ANKRD44: variants seen among roughly 807,000 people sequenced by gnomAD.
ANKRD44 encodes serine/threonine-protein phosphatase 6 regulatory ankyrin repeat subunit B.
In ANKRD44, 35 loss-of-function variants were observed where a neutral mutation model predicts 116.0. The observed-to-expected ratio is 0.30, with a 90% CI of 0.23 to 0.40. ANKRD44 has a LOEUF of 0.40. Among genes scored for constraint, ANKRD44 ranks in the 10% least tolerant of loss-of-function variants. The pLI is 1.00. For missense variants in ANKRD44, 1,014 were observed against 1,242.6 expected (o/e 0.82, Z 2.77); for synonymous variants, 435 against 461.8 (o/e 0.94, Z 0.74).
intron 4 of ANKRD44, among the ~76,000 whole-genome samples, chr2:197,131,013 T>A (rs2079082551): frequency 6.6e-6 from 1 of 152,192 alleles, no homozygotes; most frequent in Non-Finnish European, 1.5e-5. Flanking sequence ...GCTTCTCTAG[T>A]CACACTTTCC....
intron 1 of ANKRD44, among the ~76,000 whole-genome samples, chr2:197,257,005 C>A (rs2082466033): frequency 6.6e-6 from 1 of 152,074 alleles, no homozygotes. Context: ...CAGTTGATGT[C>A]TCCAAACCTC....
At chr2:197,181,573 G>T (rs948481668) in intron 2 of ANKRD44, among the ~76,000 whole-genome samples, 2 of 152,116 alleles carry the variant, frequency 1.3e-5, no homozygotes, top group African/African-American at 2.4e-5. Flanking sequence ...ATCCTGAGAA[G>T]AAATTTTAGT....
chr2:197,286,227 T>C (rs1403242533), intron 1 of ANKRD44, among the ~76,000 whole-genome samples: 1 of 152,190 alleles, frequency 6.6e-6, no homozygotes, highest in Non-Finnish European at 1.5e-5. Context: ...CTATTTAAAT[T>C]AACTGTCTCA....
Position 197,121,047 on chromosome 2 carries a change from G to T in ANKRD44, c.906+285C>A, listed in dbSNP as rs569148813. Among the ~76,000 whole-genome samples, 264 of 151,362 alleles carry T rather than the reference G, an allele frequency of 1.7e-3. 1 individual carries two copies. The highest frequency in any genetic ancestry group is 5.9e-3 in the African/African-American group (244 of 41,218). On this transcript the variant is annotated intron_variant, in intron 8 of 27. Coordinates refer to ENST00000282272, the MANE Select transcript of ANKRD44 (RefSeq NM_001195144.2). The stretch of plus-strand genomic sequence containing the variant: ...CGGGTTTAAGCAATTCTCTGCCTCA[G>T]CCTCCCGAGTAGCTGAGATTGCAGG...
chr2:197,143,830 T>A (rs958025417), intron 3 of ANKRD44, among the ~76,000 whole-genome samples: 1 of 152,186 alleles, frequency 6.6e-6, no homozygotes, highest in Non-Finnish European at 1.5e-5. Flanking sequence ...GGTTTCATCA[T>A]GTTGGCCAGG....
intron 16 of ANKRD44, among the ~76,000 whole-genome samples, chr2:197,040,188 G>A (rs926408988): frequency 6.6e-6 from 1 of 151,516 alleles, no homozygotes; most frequent in Non-Finnish European, 1.5e-5. Context: ...GCATTGAGCT[G>A]AGATCACGTC....
intron 1 of ANKRD44, among the ~76,000 whole-genome samples, chr2:197,290,269 T>C (rs1160137085): frequency 6.6e-6 from 1 of 152,226 alleles, no homozygotes; most frequent in Non-Finnish European, 1.5e-5. Context: ...TCTATTGTGT[T>C]GCAACTTTTT....
chr2:197,179,450 C>T (rs978231430), intron 2 of ANKRD44, among the ~76,000 whole-genome samples: 1 of 152,200 alleles, frequency 6.6e-6, no homozygotes, highest in East Asian at 1.9e-4. Flanking sequence ...ATTACATCCT[C>T]TGTCCAAATG....
At chr2:196,968,216 T>G (rs2125856769) in intron 21 of ANKRD44, among the ~76,000 whole-genome samples, 1 of 152,314 alleles carries the variant, frequency 6.6e-6, no homozygotes, top group East Asian at 1.9e-4. Context: ...TAACTGTGAA[T>G]TATCAGAAGA....
intron 21 of ANKRD44, among the ~76,000 whole-genome samples, chr2:197,002,343 T>C (rs145464768): frequency 3.9e-5 from 6 of 152,362 alleles, no homozygotes; most frequent in African/African-American, 1.4e-4. Flanking sequence ...AGAACAGTTC[T>C]TGGCACATCA....
At chr2:197,012,172 A>T (rs1050715535) in intron 18 of ANKRD44, among the ~76,000 whole-genome samples, 1 of 152,226 alleles carries the variant, frequency 6.6e-6, no homozygotes, top group Non-Finnish European at 1.5e-5. Flanking sequence ...CAGTCCAGTG[A>T]CAGTGTCTTT....
intron 2 of ANKRD44, 57 bp downstream of exon 2, chr2:197,186,966 G>T: frequency 6.8e-7 from 1 of 1,466,146 alleles, no homozygotes. Flanking sequence ...AAGGTTAAGA[G>T]TCCTTTCCTG....
chr2:197,118,563 C>A (rs1348386809), intron 8 of ANKRD44, among the ~76,000 whole-genome samples: 1 of 149,594 alleles, frequency 6.7e-6, no homozygotes, highest in African/African-American at 2.5e-5. Flanking sequence ...GCACTCTAGC[C>A]TGAATGACAA....
At chr2:197,066,737 G>A (rs1574388844) in intron 16 of ANKRD44, among the ~76,000 whole-genome samples, 2 of 152,114 alleles carry the variant, frequency 1.3e-5, no homozygotes, top group African/African-American at 4.8e-5. Context: ...GGATGTGAAG[G>A]ACCTCTTCAA....
At chr2:197,037,342 T>A (rs1350398419) in intron 16 of ANKRD44, among the ~76,000 whole-genome samples, 1 of 152,220 alleles carries the variant, frequency 6.6e-6, no homozygotes, top group African/African-American at 2.4e-5. Context: ...GGGGTTGATG[T>A]TTTTATGACT....
intron 1 of ANKRD44, among the ~76,000 whole-genome samples, chr2:197,258,270 C>CTTTTTTT (rs71395680): frequency 8.1e-4 from 64 of 79,224 alleles, no homozygotes; most frequent in Non-Finnish European, 9.4e-4. Flanking sequence ...TTGGCTAATC[C>CTTTTTTT]TTTTTTTTTT....
chr2:197,177,582 TTG>T (rs939993622), intron 2 of ANKRD44, among the ~76,000 whole-genome samples: 2 of 152,168 alleles, frequency 1.3e-5, no homozygotes, highest in East Asian at 3.9e-4. Flanking sequence ...TCTCGTGAGT[TTG>T]TGTGTGTGTT....
intron 1 of ANKRD44, among the ~76,000 whole-genome samples, chr2:197,265,857 A>G (rs1184370207): frequency 6.6e-6 from 1 of 152,196 alleles, no homozygotes; most frequent in Non-Finnish European, 1.5e-5. Flanking sequence ...CTTTGGCTTT[A>G]TTAGCAGTAT....
In ANKRD44 at chr2:197,222,211, T is replaced by C. The variant is rs544161123; in HGVS notation, c.28-35105A>G. Among the ~76,000 whole-genome samples the C allele has an allele frequency of 7.9e-5, 12 of 152,266 alleles. No individual in the cohort carries two copies. In the South Asian group the frequency reaches 2.3e-3, roughly 29 times the overall value. ...CACTAGGATCTGCTTTGTACTTTTA[T>C]TTTTCTTTATCCCCCATGGTACCTG... On this transcript the variant is annotated intron_variant, in intron 1 of 27. Transcript: ENST00000282272.
Sources: allele counts gnomAD v4.1 joint callset (sites outside exome capture counted in the v4.1 genomes callset), GRCh38; gene constraint gnomAD v4.1.1; transcripts MANE v1.5; gene names NCBI Gene and HGNC (gene_info 2026-07-23, HGNC 2026-07-21).